Variants in PTPRD observed in about 807,000 individuals in gnomAD.
PTPRD encodes the protein receptor-type tyrosine-protein phosphatase delta.
PTPRD carries 34 observed loss-of-function variants against 214.5 expected under a neutral mutation model. That is an observed-to-expected ratio of 0.16 (90% CI 0.12 to 0.21). The LOEUF (loss-of-function observed/expected upper bound fraction) is 0.21, where lower values mean the gene tolerates loss of function less well. Ranked by LOEUF, PTPRD falls within the 10% of genes least tolerant of loss-of-function variation. The pLI, the probability that PTPRD is intolerant of heterozygous loss-of-function variation, is 1.00. For missense variants in PTPRD, 2,545 were observed against 2,398.7 expected (o/e 1.06, Z -1.27); for synonymous variants, 1,128 against 845.7 (o/e 1.33, Z -5.79).
intron 11 of PTPRD, among the ~76,000 whole-genome samples, chr9:8,942,152 T>A (rs1048630143): frequency 6.6e-6 from 1 of 152,222 alleles, no homozygotes; most frequent in Non-Finnish European, 1.5e-5. Context: ...TTTGATCATT[T>A]GCTGAAATTA....
chr9:9,617,147 T>A (rs1303633206), intron 7 of PTPRD, among the ~76,000 whole-genome samples: 1 of 152,212 alleles, frequency 6.6e-6, no homozygotes, highest in Non-Finnish European at 1.5e-5. Flanking sequence ...CTGGGAGTTT[T>A]ATATTTTTAT....
At chr9:9,041,393 G>A (rs935035346) in intron 10 of PTPRD, among the ~76,000 whole-genome samples, 4 of 152,016 alleles carry the variant, frequency 2.6e-5, no homozygotes, top group Non-Finnish European at 5.9e-5. Flanking sequence ...AGGCTCCAGT[G>A]TGTGTTGTTC....
Position 9,558,152 on chromosome 9 carries a change from C to G in PTPRD, c.-237+16580G>C, listed in dbSNP as rs981899176. 2.6e-5 allele frequency among the ~76,000 whole-genome samples: 4 copies of G among 152,210 alleles called. No homozygotes were observed. The South Asian group carries it at 8.3e-4, about 32-fold the overall frequency. ...CTGTCTTTCTCTGGGTGCCAGCGCG[C>G]CCACCATGTCAAGCCATGTTGAGCC... On this transcript the variant is annotated intron_variant, in intron 8 of 45. Transcript: ENST00000381196.
rs187212036 is a variant in PTPRD at position 9,502,422 on chromosome 9, T to C, written c.-237+72310A>G. ...TTAGCATGTCATCCAGGTTTATCCA[T>C]GTTGCAAGTGGCAGGATTTCCTTCT... On this transcript the variant is annotated intron_variant, in intron 8 of 45. Transcript: ENST00000381196. 3.4e-3 allele frequency among the ~76,000 whole-genome samples: 517 copies of C among 152,028 alleles called. 2 individuals are homozygous for C. The highest frequency in any genetic ancestry group is 5.2e-3 in the Non-Finnish European group (353 of 67,896).
chr9:10,407,730 T>A (rs545866186), intron 2 of PTPRD, among the ~76,000 whole-genome samples: 1 of 151,622 alleles, frequency 6.6e-6, no homozygotes, highest in African/African-American at 2.4e-5. Context: ...CATGTATGTA[T>A]AATGATTTTT....
chr9:10,140,754 C>T (rs1356072822), intron 3 of PTPRD, among the ~76,000 whole-genome samples: 3 of 151,756 alleles, frequency 2.0e-5, no homozygotes, highest in East Asian at 1.9e-4. Context: ...TTTTATGAGG[C>T]CAGCATCATC....
At chr9:10,505,665 T>C (rs1046836636) in intron 2 of PTPRD, among the ~76,000 whole-genome samples, 1 of 149,986 alleles carries the variant, frequency 6.7e-6, no homozygotes, top group Non-Finnish European at 1.5e-5. Context: ...CACATCTTTC[T>C]TGAACAGCAA....
chr9:9,569,291 G>A (rs1425532220), intron 8 of PTPRD, among the ~76,000 whole-genome samples: 1 of 151,016 alleles, frequency 6.6e-6, no homozygotes, highest in Non-Finnish European at 1.5e-5. Context: ...AAAAAAAAAG[G>A]TATTTAAAGG....
intron 39 of PTPRD, among the ~76,000 whole-genome samples, chr9:8,345,463 T>C (rs1856686021): frequency 6.6e-6 from 1 of 152,050 alleles, no homozygotes; most frequent in Non-Finnish European, 1.5e-5. Context: ...GTCTGTGATA[T>C]TTCATTGGCA....
At chr9:8,398,972 T>C (rs992332215) in intron 36 of PTPRD, among the ~76,000 whole-genome samples, 4 of 152,294 alleles carry the variant, frequency 2.6e-5, no homozygotes, top group Admixed American at 2.6e-4. Context: ...TGTTAAAGAA[T>C]GCATATTACA....
chr9:9,960,406 C>T (rs1477790129), intron 4 of PTPRD, among the ~76,000 whole-genome samples: 1 of 152,062 alleles, frequency 6.6e-6, no homozygotes. Context: ...CGTAACTTTC[C>T]ACTCCTGCGC....
chr9:9,739,328 T>A (rs1268129907), intron 6 of PTPRD, among the ~76,000 whole-genome samples: 1 of 152,226 alleles, frequency 6.6e-6, no homozygotes, highest in Non-Finnish European at 1.5e-5. Flanking sequence ...TATATCATAA[T>A]AAGAAAGCAC....
At chr9:9,386,567 G>T (rs548150384) in intron 9 of PTPRD, among the ~76,000 whole-genome samples, 1 of 152,164 alleles carries the variant, frequency 6.6e-6, no homozygotes, top group South Asian at 2.1e-4. Context: ...TATAACAATG[G>T]TTATTATATA....
At chr9:10,039,692 G>T (rs1035328634) in intron 3 of PTPRD, among the ~76,000 whole-genome samples, 4 of 150,792 alleles carry the variant, frequency 2.7e-5, no homozygotes, top group African/African-American at 9.8e-5. Flanking sequence ...AAAAACAAAG[G>T]GGTATGATTG....
At chr9:8,843,368 A>T (rs1421453849) in intron 11 of PTPRD, among the ~76,000 whole-genome samples, 2 of 152,226 alleles carry the variant, frequency 1.3e-5, no homozygotes, top group Non-Finnish European at 2.9e-5. Flanking sequence ...TGCTAGAGTC[A>T]ACGAGTATTC....
chr9:8,389,562 G>C (rs2088655462), intron 36 of PTPRD, among the ~76,000 whole-genome samples, 155 bp from the exon 37 acceptor site: 1 of 152,012 alleles, frequency 6.6e-6, no homozygotes, highest in Non-Finnish European at 1.5e-5. Flanking sequence ...ATTAAAAACA[G>C]GTCCTATTAG....
chr9:8,642,986 G>A (rs916791695), intron 12 of PTPRD, among the ~76,000 whole-genome samples: 1 of 152,100 alleles, frequency 6.6e-6, no homozygotes, highest in African/African-American at 2.4e-5. Flanking sequence ...CATAGCAGAG[G>A]TTCTACATGA....
chr9:9,484,453 T>G (rs1253438298), intron 8 of PTPRD, among the ~76,000 whole-genome samples: 1 of 152,162 alleles, frequency 6.6e-6, no homozygotes, highest in African/African-American at 2.4e-5. Context: ...AATGTACTAC[T>G]ATATCTTGAT....
At position 8,659,618 on chromosome 9, in the gene PTPRD, C is replaced by T. The variant is rs2096989040; in HGVS notation, c.65-22774G>A. Among the ~76,000 whole-genome samples, 3 of 152,186 alleles carry T rather than the reference C, an allele frequency of 2.0e-5. No homozygotes were observed. In the South Asian group the frequency reaches 6.2e-4, roughly 31 times the overall value. Reference sequence around the variant, plus strand: ...AAATACCAGTAGAGTGGATTCCCATCTGTGGGGTCTTGGACCAAGAAGAGG... The same window carrying T: ...AAATACCAGTAGAGTGGATTCCCATTTGTGGGGTCTTGGACCAAGAAGAGG... On this transcript the variant is annotated intron_variant, in intron 12 of 45. Coordinates refer to ENST00000381196, the MANE Select transcript of PTPRD (RefSeq NM_002839.4).
Sources: gnomAD v4.1 joint callset for allele counts (sites outside exome capture counted in the v4.1 genomes callset) on GRCh38, gnomAD v4.1.1 for gene constraint, MANE v1.5 for transcripts, NCBI Gene and HGNC (gene_info 2026-07-23, HGNC 2026-07-21) for gene names.